EIPR1: variants seen among roughly 807,000 people sequenced by gnomAD.
The protein encoded by EIPR1 is EARP and GARP complex-interacting protein 1.
In EIPR1, 25 loss-of-function variants were observed where a neutral mutation model predicts 48.1. That is an observed-to-expected ratio of 0.52 (90% CI 0.38 to 0.73). EIPR1 has a LOEUF of 0.73. EIPR1 is among the 30% of genes least tolerant of loss of function. The probability of loss-of-function intolerance (pLI) is 0.00; values close to 1 mark genes in which losing one functional copy is unlikely to be tolerated. For missense variants in EIPR1, 415 were observed against 506.2 expected (o/e 0.82, Z 1.73); for synonymous variants, 204 against 201.9 (o/e 1.01, Z -0.09).
chr2:3,283,724 A>T (rs1668086573), intron 3 of EIPR1, among the ~76,000 whole-genome samples: 1 of 152,182 alleles, frequency 6.6e-6, no homozygotes, highest in Non-Finnish European at 1.5e-5. Flanking sequence ...CAGGTGGATC[A>T]TTTGAGGTCA....
At chr2:3,204,165 T>C (rs1665143478) in intron 5 of EIPR1, among the ~76,000 whole-genome samples, 1 of 152,180 alleles carries the variant, frequency 6.6e-6, no homozygotes, top group Non-Finnish European at 1.5e-5. Context: ...AGGCGGGCTG[T>C]GGCCCCCCTT....
At chr2:3,360,484 T>C (rs1002102244) in intron 1 of EIPR1, among the ~76,000 whole-genome samples, 4 of 151,926 alleles carry the variant, frequency 2.6e-5, no homozygotes, top group African/African-American at 7.3e-5. Context: ...GCCACCACCC[T>C]GTAGGGAACC....
At chr2:3,232,233 CTTCT>C (rs1666265036) in intron 4 of EIPR1, among the ~76,000 whole-genome samples, 1 of 152,162 alleles carries the variant, frequency 6.6e-6, no homozygotes, top group Non-Finnish European at 1.5e-5. Context: ...GGCTTGTCAA[CTTCT>C]TTATCTTTTC....
At chr2:3,251,982 C>T (rs891932844) in intron 4 of EIPR1, among the ~76,000 whole-genome samples, 2 of 152,116 alleles carry the variant, frequency 1.3e-5, no homozygotes, top group African/African-American at 4.8e-5. Context: ...ATACCTTTAC[C>T]TTAATCTCTT....
rs141237832 is a variant in EIPR1 at position 3,254,128 on chromosome 2, G to T, written c.416+3171C>A. Among the ~76,000 whole-genome samples the T allele has an allele frequency of 4.3e-4, 65 of 152,248 alleles. 1 individual carries two copies. In the East Asian group the frequency reaches 0.012, roughly 27 times the overall value. On this transcript the variant is annotated intron_variant, in intron 4 of 8. Transcript: ENST00000382125. ...AGCACCTGGAGCCTGACCCCAAAGG[G>T]CAGCCTTCACCTGTGCCGTATTCAC...
intron 3 of EIPR1, among the ~76,000 whole-genome samples, chr2:3,335,961 G>T (rs1016122503): frequency 1.3e-5 from 2 of 152,210 alleles, no homozygotes; most frequent in Non-Finnish European, 2.9e-5. Flanking sequence ...TACCCCGACT[G>T]TCAGGAGAGT....
rs1667732605 is a variant in EIPR1 at position 3,272,634 on chromosome 2, AACAATT to A, written c.260-15185_260-15180del. 2.0e-5 allele frequency among the ~76,000 whole-genome samples: 3 copies of A among 152,328 alleles called. No individual in the cohort carries two copies. The South Asian group carries it at 6.2e-4, about 32-fold the overall frequency. ...ATGGGCATGGTTCGTGGAGCCCCAA[AACAATT>A]ACAATAGGAACATCAAAGAACACTG... is the stretch of plus-strand genomic sequence containing the variant. On this transcript the variant is annotated intron_variant, in intron 3 of 8. Coordinates refer to ENST00000382125, the MANE Select transcript of EIPR1 (RefSeq NM_003310.5).
intron 1 of EIPR1, among the ~76,000 whole-genome samples, chr2:3,363,162 T>A (rs1371280457): frequency 6.8e-6 from 1 of 147,180 alleles, no homozygotes; most frequent in Non-Finnish European, 1.5e-5. Flanking sequence ...CACATACAGA[T>A]CCTGCTGGAC....
chr2:3,189,929 A>G lies in EIPR1; in HGVS notation c.990-421T>C, dbSNP rs1414497140. Among the ~76,000 whole-genome samples the G allele has an allele frequency of 2.0e-5, 3 of 152,072 alleles. No individual in the cohort carries two copies. Among genetic ancestry groups the G allele is most frequent in the Admixed American group, 2.0e-4 (3 of 15,270 alleles). On this transcript the variant is annotated intron_variant, in intron 8 of 8. Transcript: ENST00000382125. This position sits in a 1 kb window ranked among gnomAD's most constrained non-coding sequence, Gnocchi z 4.6. ...TAAACGCCCCTATTGCTTGAGCAGA[A>G]AGGACCCTGGGAAGCAGCGGGTCCA...
chr2:3,219,156 G>C (rs560877679), intron 4 of EIPR1, among the ~76,000 whole-genome samples: 1 of 148,976 alleles, frequency 6.7e-6, no homozygotes, highest in South Asian at 2.1e-4. Context: ...AGTGAGTCAG[G>C]TGGACACCCA....
chr2:3,228,779 A>T (rs535296477), intron 4 of EIPR1, among the ~76,000 whole-genome samples: 4 of 152,088 alleles, frequency 2.6e-5, no homozygotes, highest in Admixed American at 6.6e-5. Context: ...TGATGGTTTT[A>T]TCAGCATCTG....
intron 3 of EIPR1, among the ~76,000 whole-genome samples, chr2:3,294,064 CA>C (rs1202282366): frequency 1.3e-5 from 2 of 152,126 alleles, no homozygotes; most frequent in South Asian, 2.1e-4. Flanking sequence ...AATCAGTAAA[CA>C]AAAAATTATG....
intron 3 of EIPR1, among the ~76,000 whole-genome samples, chr2:3,270,188 G>A (rs868146758): frequency 9.2e-5 from 14 of 152,208 alleles, no homozygotes; most frequent in African/African-American, 3.4e-4. Context: ...GTGAAACAAG[G>A]AGGGGATGTC....
chr2:3,224,428 T>C (rs540220424), intron 4 of EIPR1, among the ~76,000 whole-genome samples: 1 of 152,154 alleles, frequency 6.6e-6, no homozygotes, highest in Non-Finnish European at 1.5e-5. Flanking sequence ...GATTCAGAAT[T>C]GGGTGATACA....
chr2:3,282,531 C>A (rs1668043522), intron 3 of EIPR1: 1 of 152,266 alleles, frequency 6.6e-6, no homozygotes, highest in South Asian at 2.1e-4. Context: ...AACCTTGAAA[C>A]CCGACTGCCA....
chr2:3,274,358 C>T, intron 3 of EIPR1: 1 of 1,550,488 alleles, frequency 6.4e-7, no homozygotes, highest in Non-Finnish European at 8.7e-7. Flanking sequence ...GTGCTATGAA[C>T]AGTTGGGCAG....
At chr2:3,310,109 C>G (rs1669077321) in intron 3 of EIPR1, among the ~76,000 whole-genome samples, 1 of 152,168 alleles carries the variant, frequency 6.6e-6, no homozygotes, top group Non-Finnish European at 1.5e-5. Flanking sequence ...TCACCACACT[C>G]TGTTAGAGAA....
At chr2:3,269,718 A>C (rs1572380298) in intron 3 of EIPR1, among the ~76,000 whole-genome samples, 2 of 151,968 alleles carry the variant, frequency 1.3e-5, no homozygotes, top group African/African-American at 2.4e-5. Context: ...CATCGCACTC[A>C]ATCATCACAC....
intron 3 of EIPR1, among the ~76,000 whole-genome samples, chr2:3,278,860 G>A (rs937226542): frequency 1.3e-5 from 2 of 152,154 alleles, no homozygotes; most frequent in Non-Finnish European, 2.9e-5. Context: ...GGTCACGGGG[G>A]GCACTGCCCA....
Sources: allele counts gnomAD v4.1 joint callset (sites outside exome capture counted in the v4.1 genomes callset), GRCh38; gene constraint gnomAD v4.1.1; non-coding constraint Gnocchi (gnomAD v3.1); transcripts MANE v1.5; gene names NCBI Gene and HGNC (gene_info 2026-07-23, HGNC 2026-07-21).